PDS5A: variants seen among roughly 807,000 people sequenced by gnomAD.
PDS5A encodes PDS5 cohesin associated factor A, also known as sister chromatid cohesion protein PDS5 homolog A.
PDS5A carries 42 observed loss-of-function variants against 167.1 expected under a neutral mutation model. That is an observed-to-expected ratio of 0.25 (90% CI 0.20 to 0.33). The LOEUF (loss-of-function observed/expected upper bound fraction) is 0.33, where lower values mean the gene tolerates loss of function less well. PDS5A is among the 10% of genes least tolerant of loss of function. PDS5A has a pLI of 1.00. For synonymous variants in PDS5A, 553 were observed against 554.6 expected, an observed-to-expected ratio of 1.00 and a Z score of 0.04; for missense variants, 1,033 against 1,605.9, an observed-to-expected ratio of 0.64 and a Z score of 6.10.
intron 2 of PDS5A, among the ~76,000 whole-genome samples, chr4:39,951,514 A>C (rs1728355199): frequency 6.6e-6 from 1 of 152,220 alleles, no homozygotes; most frequent in Non-Finnish European, 1.5e-5. Flanking sequence ...AACAACTGAT[A>C]ACATCTAGAA....
intron 26 of PDS5A, among the ~76,000 whole-genome samples, chr4:39,858,298 C>T (rs1482264380): frequency 6.6e-6 from 1 of 152,192 alleles, no homozygotes; most frequent in Non-Finnish European, 1.5e-5. Flanking sequence ...AGAAATCAGA[C>T]TTCTCAATTC....
At position 39,904,027 on chromosome 4, in the gene PDS5A, A is replaced by G. The variant is rs1723098178; in HGVS notation, c.1385+13T>C. ...TTTTACACTCAACCATTCTACCAAC[A>G]TATTAAACTCACTTGTCGTCAATGC... On this transcript the variant is annotated intron_variant, in intron 12 of 32. Transcript: ENST00000303538. The G allele has an allele frequency of 6.4e-7, 1 of 1,554,436 alleles. No homozygotes were observed. Among genetic ancestry groups the G allele is most frequent in the Non-Finnish European group, 8.7e-7 (1 of 1,145,572 alleles).
rs375029999 is a variant in PDS5A at position 39,825,471 on chromosome 4, T to C, written c.*14A>G. Reference sequence around the variant, plus strand: ...TCTGTTTGGCCTTCATTTTCTCCCTTTGCAAATGCATTTTTACCTTAGGGT... The same window carrying C: ...TCTGTTTGGCCTTCATTTTCTCCCTCTGCAAATGCATTTTTACCTTAGGGT... On this transcript the variant is annotated 3_prime_UTR_variant, in exon 33 of 33. Coordinates refer to ENST00000303538, the MANE Select transcript of PDS5A (RefSeq NM_001100399.2). The C allele has an allele frequency of 6.3e-6, 10 of 1,580,886 alleles. No individual in the cohort carries two copies. The African/African-American group carries it at 1.3e-4, about 21-fold the overall frequency.
chr4:39,871,537 C>T (rs985624421), intron 21 of PDS5A, among the ~76,000 whole-genome samples: 14 of 152,092 alleles, frequency 9.2e-5, no homozygotes, highest in Admixed American at 7.2e-4. Context: ...GATACTGAGG[C>T]CTCAAGATTA....
rs552144630 is a variant in PDS5A, at chr4:39,971,220, G to A, written c.138+5220C>T. Among the ~76,000 whole-genome samples the A allele has an allele frequency of 2.0e-5, 3 of 151,830 alleles. No individual in the cohort carries two copies. The East Asian group carries it at 5.8e-4, about 29-fold the overall frequency. ...GTCACCCAGGCTGGAGTGCAGTGGT[G>A]GGATCTTGGCTTACTGCAAGCTCCG... On this transcript the variant is annotated intron_variant, in intron 2 of 32. Coordinates refer to ENST00000303538, the MANE Select transcript of PDS5A (RefSeq NM_001100399.2).
intron 2 of PDS5A, among the ~76,000 whole-genome samples, chr4:39,930,869 T>A (rs1725993899): frequency 6.6e-6 from 1 of 152,196 alleles, no homozygotes; most frequent in Non-Finnish European, 1.5e-5. Context: ...CTACCAAAAC[T>A]CATAGGATGC....
intron 31 of PDS5A, among the ~76,000 whole-genome samples, chr4:39,839,762 G>T (rs866014958): frequency 1.4e-5 from 2 of 146,600 alleles, no homozygotes; most frequent in African/African-American, 2.5e-5. Context: ...TCTGGGGGGG[G>T]GGGGCAGGGG....
chr4:39,869,523 A>AT (rs1385187437), intron 21 of PDS5A, 61 bp from the exon 22 acceptor site: 11 of 1,020,894 alleles, frequency 1.1e-5, no homozygotes, highest in Middle Eastern at 2.1e-4. Context: ...GTTTTTGCTG[A>AT]TTAAGTTTTT....
intron 17 of PDS5A, among the ~76,000 whole-genome samples, chr4:39,881,432 T>C (rs1720918338): frequency 6.6e-6 from 1 of 152,126 alleles, no homozygotes; most frequent in Non-Finnish European, 1.5e-5. Context: ...AAACTAAGTT[T>C]AGCACTTACT....
intron 32 of PDS5A, among the ~76,000 whole-genome samples, chr4:39,833,926 C>G (rs181071082): frequency 6.6e-6 from 1 of 152,198 alleles, no homozygotes; most frequent in Non-Finnish European, 1.5e-5. Flanking sequence ...CCCAGATCAG[C>G]TGTAGACAAG....
chr4:39,872,441 G>C (rs1720129181), intron 21 of PDS5A, among the ~76,000 whole-genome samples: 1 of 151,982 alleles, frequency 6.6e-6, no homozygotes, highest in African/African-American at 2.4e-5. Flanking sequence ...AAGGCGGACG[G>C]ATCACCTGAG....
intron 16 of PDS5A, 84 bp from the exon 17 acceptor site, chr4:39,890,448 C>A (rs1721862670): frequency 4.0e-6 from 3 of 759,264 alleles, no homozygotes; most frequent in African/African-American, 1.8e-5. Flanking sequence ...CTGAAATATT[C>A]AAAACCAGCA....
At chr4:39,885,772 C>G (rs1020712830) in intron 17 of PDS5A, among the ~76,000 whole-genome samples, 26 of 150,990 alleles carry the variant, frequency 1.7e-4, no homozygotes, top group African/African-American at 2.5e-5. Flanking sequence ...ACAAAGCAAA[C>G]AAAAAACAAA....
intron 27 of PDS5A, 40 bp downstream of exon 27, chr4:39,849,480 T>C (rs760080617): frequency 7.3e-7 from 1 of 1,370,870 alleles, no homozygotes; most frequent in Non-Finnish European, 1.0e-6. Flanking sequence ...TATATTTTTC[T>C]ATTACATCTT....
chr4:39,908,277 A>G, intron 11 of PDS5A, 118 bp downstream of exon 11: 3 of 804,864 alleles, frequency 3.7e-6, no homozygotes, highest in Non-Finnish European at 6.3e-6. Flanking sequence ...GCTCTTTATC[A>G]TTGTTATTAA....
chr4:39,943,157 C>G (rs1727389206), intron 2 of PDS5A, among the ~76,000 whole-genome samples: 1 of 150,536 alleles, frequency 6.6e-6, no homozygotes, highest in Non-Finnish European at 1.5e-5. Context: ...CACACACACA[C>G]ACACACACAC....
chr4:39,962,345 C>T (rs1207545099), intron 2 of PDS5A, among the ~76,000 whole-genome samples: 5 of 152,176 alleles, frequency 3.3e-5, no homozygotes, highest in Admixed American at 2.0e-4. Context: ...CGTAAGCCAC[C>T]GCGCCCGGCC....
chr4:39,863,654 G>GT, intron 23 of PDS5A, among the ~76,000 whole-genome samples, 195 bp from the exon 24 acceptor site: 1 of 152,178 alleles, frequency 6.6e-6, no homozygotes, highest in East Asian at 1.9e-4. Context: ...TCAAATCATT[G>GT]TGACTTTCTG....
At chr4:39,948,621 A>ATTTT (rs55951253) in intron 2 of PDS5A, among the ~76,000 whole-genome samples, 21,178 of 110,548 alleles carry the variant, frequency 0.19, 2,203 homozygotes, top group Middle Eastern at 0.3. Context: ...CCACGCCTGG[A>ATTTT]TTTTTTTTTT....
Sources: allele counts gnomAD v4.1 joint callset (sites outside exome capture counted in the v4.1 genomes callset), GRCh38; gene constraint gnomAD v4.1.1; transcripts MANE v1.5; gene names NCBI Gene and HGNC (gene_info 2026-07-23, HGNC 2026-07-21).